SPAG16: variants seen among roughly 807,000 people sequenced by gnomAD.
The protein encoded by SPAG16 is sperm-associated antigen 16 protein.
SPAG16 carries 86 observed loss-of-function variants against 80.4 expected under a neutral mutation model. The observed-to-expected ratio is 1.07, with a 90% confidence interval of 0.90 to 1.28. SPAG16 has a LOEUF of 1.28. Ranked by LOEUF, SPAG16 falls within the 50% of genes most tolerant of loss-of-function variation. SPAG16 has a pLI of 0.00. For missense variants in SPAG16, 870 were observed against 765.3 expected (o/e 1.14, Z -1.61); for synonymous variants, 294 against 265.9 (o/e 1.11, Z -1.03).
intron 10 of SPAG16, among the ~76,000 whole-genome samples, chr2:213,741,435 T>C (rs1490650724): frequency 6.6e-6 from 1 of 152,094 alleles, no homozygotes; most frequent in Non-Finnish European, 1.5e-5. Context: ...CAAATATCTG[T>C]TAGGATCATA....
At chr2:213,585,605 T>C (rs575155970) in intron 10 of SPAG16, among the ~76,000 whole-genome samples, 2 of 152,278 alleles carry the variant, frequency 1.3e-5, no homozygotes, top group South Asian at 4.1e-4. Flanking sequence ...AAAGGCTTTG[T>C]TTTAAGACAA....
intron 10 of SPAG16, among the ~76,000 whole-genome samples, chr2:213,717,650 A>T (rs996581864): frequency 1.2e-4 from 18 of 152,138 alleles, no homozygotes; most frequent in African/African-American, 4.3e-4. Context: ...AAGTATTCTA[A>T]ATACATTACT....
chr2:213,780,629 T>A (rs2069896181), intron 10 of SPAG16, among the ~76,000 whole-genome samples: 1 of 148,702 alleles, frequency 6.7e-6, no homozygotes, highest in African/African-American at 2.5e-5. Flanking sequence ...CTTAGGGAAT[T>A]CCTTTTGACT....
At chr2:213,310,283 A>T in intron 4 of SPAG16, 106 bp downstream of exon 4, 1 of 643,632 alleles carries the variant, frequency 1.6e-6, no homozygotes, top group Non-Finnish European at 2.5e-6. Context: ...ATGAAAAATG[A>T]CTAGAAACTT....
chr2:214,336,123 G>C (rs1165734361), intron 15 of SPAG16, among the ~76,000 whole-genome samples: 1 of 152,094 alleles, frequency 6.6e-6, no homozygotes, highest in African/African-American at 2.4e-5. Context: ...TAGTTATCTT[G>C]TTGCAATTTG....
At chr2:213,902,969 A>G (rs927518457) in intron 11 of SPAG16, among the ~76,000 whole-genome samples, 11 of 152,190 alleles carry the variant, frequency 7.2e-5, no homozygotes, top group Admixed American at 4.6e-4. Flanking sequence ...AAATGTCAAG[A>G]TGATCTCCTT....
rs139330867 is a variant in SPAG16 at position 214,344,548 on chromosome 2, G to A, written c.1721-65592G>A. 7.1e-3 allele frequency among the ~76,000 whole-genome samples: 1,082 copies of A among 152,108 alleles called. 10 individuals are homozygous for A. Among genetic ancestry groups the A allele is most frequent in the African/African-American group, 0.025 (1,040 of 41,496 alleles). On this transcript the variant is annotated intron_variant, in intron 15 of 15. Coordinates refer to ENST00000331683, the MANE Select transcript of SPAG16 (RefSeq NM_024532.5). Reference sequence around the variant, plus strand: ...AAGGTCAATATTTTGAAAGTTCAGCGTTTCTATAATTTTTTAAAAATAATG... The same window carrying A: ...AAGGTCAATATTTTGAAAGTTCAGCATTTCTATAATTTTTTAAAAATAATG...
intron 11 of SPAG16, among the ~76,000 whole-genome samples, chr2:213,896,592 G>GCACACACA (rs372673398): frequency 0.049 from 5,517 of 111,872 alleles, 218 homozygotes; most frequent in African/African-American, 0.063. Context: ...ACACACACAC[G>GCACACACA]CACACACACA....
intron 12 of SPAG16, among the ~76,000 whole-genome samples, chr2:213,942,383 A>G (rs923028605): frequency 1.3e-5 from 2 of 151,380 alleles, no homozygotes; most frequent in African/African-American, 4.9e-5. Flanking sequence ...AATCCCTAAC[A>G]CTCTCCCCAC....
chr2:213,297,361 A>G lies in SPAG16; in HGVS notation c.279+4A>G. ...GGCTACAGATACTGAAATTTTGGTG[A>G]GAATTTGAACACTAGTGTAGTCTAT... is the stretch of plus-strand genomic sequence containing the variant. On this transcript the variant is annotated splice_donor_region_variant and intron_variant, in intron 3 of 15. Transcript: ENST00000331683. 1.3e-6 allele frequency: 2 copies of G among 1,590,606 alleles called. No homozygotes were observed. Among genetic ancestry groups the G allele is most frequent in the Non-Finnish European group, 1.7e-6 (2 of 1,162,978 alleles).
chr2:213,911,897 G>A (rs962602698), intron 11 of SPAG16, among the ~76,000 whole-genome samples: 2 of 149,126 alleles, frequency 1.3e-5, no homozygotes, highest in African/African-American at 2.5e-5. Flanking sequence ...TTTTAAAAAT[G>A]ATTAAAAGAG....
intron 15 of SPAG16, among the ~76,000 whole-genome samples, chr2:214,193,545 C>T (rs1559119626): frequency 2.0e-5 from 3 of 151,638 alleles, no homozygotes; most frequent in Non-Finnish European, 4.4e-5. Flanking sequence ...AGTAATAAAT[C>T]TGTGTGATTT....
chr2:213,830,919 C>T (rs576723867), intron 10 of SPAG16, among the ~76,000 whole-genome samples: 47 of 152,020 alleles, frequency 3.1e-4, no homozygotes, highest in Middle Eastern at 3.4e-3. Flanking sequence ...TAGCTTATGA[C>T]CTATACATAT....
At chr2:214,144,448 T>C (rs937905267) in intron 14 of SPAG16, among the ~76,000 whole-genome samples, 1 of 152,110 alleles carries the variant, frequency 6.6e-6, no homozygotes, top group Admixed American at 6.6e-5. Context: ...TTAATGGCTT[T>C]ATAATTATTT....
intron 10 of SPAG16, among the ~76,000 whole-genome samples, chr2:213,766,520 C>T (rs541279639): frequency 1.1e-4 from 16 of 152,208 alleles, no homozygotes; most frequent in Middle Eastern, 3.4e-3. Flanking sequence ...AGCCACAAGT[C>T]GAAAATGAAA....
At chr2:214,169,555 A>G (rs2056795710) in intron 15 of SPAG16, among the ~76,000 whole-genome samples, 1 of 152,008 alleles carries the variant, frequency 6.6e-6, no homozygotes, top group Non-Finnish European at 1.5e-5. Context: ...TCTCTCCAAT[A>G]TTTTTGGAGA....
At chr2:213,362,314 A>T (rs2066026893) in intron 7 of SPAG16, among the ~76,000 whole-genome samples, 1 of 152,218 alleles carries the variant, frequency 6.6e-6, no homozygotes, top group Non-Finnish European at 1.5e-5. Flanking sequence ...AGGACATGTG[A>T]GAGAGTAGAC....
intron 15 of SPAG16, among the ~76,000 whole-genome samples, chr2:214,317,363 A>G (rs768898178): frequency 3.3e-4 from 50 of 152,316 alleles, no homozygotes; most frequent in South Asian, 4.1e-4. Context: ...ACTCCATTGA[A>G]AACAGACTAC....
chr2:214,259,991 C>G (rs1045812456), intron 15 of SPAG16, among the ~76,000 whole-genome samples: 1 of 152,060 alleles, frequency 6.6e-6, no homozygotes, highest in Non-Finnish European at 1.5e-5. Flanking sequence ...AATTTTTAAT[C>G]TTTTAATACA....
Sources: allele counts gnomAD v4.1 joint callset (sites outside exome capture counted in the v4.1 genomes callset), GRCh38; gene constraint gnomAD v4.1.1; transcripts MANE v1.5; gene names NCBI Gene and HGNC (gene_info 2026-07-23, HGNC 2026-07-21).